The following AR variants were observed in gnomAD, a reference collection of about 807,000 sequenced individuals.
The protein encoded by AR is dihydrotestosterone receptor.
A neutral mutation model predicts 53.9 loss-of-function variants in AR; 8 were observed. That is an observed-to-expected ratio of 0.15 (90% CI 0.09 to 0.27). AR has a LOEUF of 0.27. Among genes scored for constraint, AR ranks in the 10% least tolerant of loss-of-function variants. The pLI is 1.00. For synonymous variants in AR, 359 were observed against 316.4 expected (o/e 1.13, Z -1.43); for missense variants, 639 against 742.5 (o/e 0.86, Z 1.62).
intron 2 of AR, among the ~76,000 whole-genome samples, chrX:67,657,799 T>C (rs958751107): frequency 8.9e-6 from 1 of 112,121 alleles, no homozygotes; most frequent in Non-Finnish European, 1.9e-5. Context: ...TGCTCGGTTG[T>C]CCTCATGCCT....
At chrX:67,563,479 T>C (rs1222032710) in intron 1 of AR, among the ~76,000 whole-genome samples, 2 of 111,751 alleles carry the variant, frequency 1.8e-5, no homozygotes, top group Non-Finnish European at 3.8e-5. Flanking sequence ...ACAAGCTTCA[T>C]AAATTGTACC....
intron 2 of AR, among the ~76,000 whole-genome samples, chrX:67,669,100 G>A (rs1188555230): frequency 9.2e-6 from 1 of 109,153 alleles, no homozygotes; most frequent in Non-Finnish European, 1.9e-5. Context: ...TTTGAGTTTG[G>A]TTTGCTCTTG....
intron 2 of AR, among the ~76,000 whole-genome samples, chrX:67,647,014 C>G (rs1169688015): frequency 9.0e-6 from 1 of 111,088 alleles, no homozygotes; most frequent in African/African-American, 3.3e-5. Flanking sequence ...TGGGTAACTT[C>G]CTTTCTTTTC....
intron 2 of AR, 127 bp from the exon 3 acceptor site, chrX:67,685,883 A>C: frequency 2.0e-6 from 2 of 1,011,062 alleles, no homozygotes; most frequent in Non-Finnish European, 2.7e-6. Flanking sequence ...GTTTGGTGCC[A>C]TACTCTGTCC....
At chrX:67,703,493 G>T in intron 3 of AR, among the ~76,000 whole-genome samples, 1 of 111,338 alleles carries the variant, frequency 9.0e-6, no homozygotes. Flanking sequence ...TCCAATGACT[G>T]TCTCCTAGCA....
intron 2 of AR, among the ~76,000 whole-genome samples, chrX:67,673,597 G>A (rs1166784341): frequency 9.2e-6 from 1 of 109,247 alleles, no homozygotes; most frequent in Non-Finnish European, 1.9e-5. Context: ...CAGTGTGTCA[G>A]TTGCATTTTT....
chrX:67,614,214 G>A (rs928631531), intron 1 of AR, among the ~76,000 whole-genome samples: 2 of 111,064 alleles, frequency 1.8e-5, no homozygotes, highest in African/African-American at 3.3e-5. Flanking sequence ...GAGATAAGAA[G>A]GATAAAGGAA....
intron 1 of AR, among the ~76,000 whole-genome samples, chrX:67,587,369 C>T (rs975122662): frequency 1.8e-5 from 2 of 112,428 alleles, no homozygotes; most frequent in African/African-American, 3.2e-5. Flanking sequence ...CTTTCCAGGG[C>T]GAAGGCAAGC....
chrX:67,694,521 C>T (rs934474879), intron 3 of AR, among the ~76,000 whole-genome samples: 4 of 110,735 alleles, frequency 3.6e-5, no homozygotes, highest in African/African-American at 1.3e-4. Context: ...AAAGAAAAAC[C>T]CCCAGTAAAA....
intron 1 of AR, among the ~76,000 whole-genome samples, chrX:67,599,649 A>T (rs1222776629): frequency 8.9e-6 from 1 of 112,043 alleles, no homozygotes; most frequent in African/African-American, 3.2e-5. Context: ...TGAGTCCATG[A>T]TGTTTACTAT....
chrX:67,677,123 G>A (rs1015534054), intron 2 of AR, among the ~76,000 whole-genome samples: 4 of 110,490 alleles, frequency 3.6e-5, no homozygotes, highest in African/African-American at 9.9e-5. Context: ...GACTGAAGGC[G>A]AACCAGGATT....
chrX:67,577,458 T>C (rs1922106947), intron 1 of AR, among the ~76,000 whole-genome samples: 1 of 111,744 alleles, frequency 8.9e-6, no homozygotes, highest in Non-Finnish European at 1.9e-5. Flanking sequence ...AGTTTTTGTA[T>C]GAACATCTGT....
intron 2 of AR, among the ~76,000 whole-genome samples, chrX:67,684,198 A>C (rs2075952869): frequency 8.9e-6 from 1 of 112,146 alleles, no homozygotes; most frequent in African/African-American, 3.2e-5. Context: ...AATTGGATAC[A>C]GGACCTGTTT....
chrX:67,558,243 C>T lies in AR; in HGVS notation c.1616+11481C>T, dbSNP rs747019177. ...TCCATACTGAGAACAAAGAATTATA[C>T]ATAATCATATATAATAATAATGATA... is the stretch of plus-strand genomic sequence containing the variant. On this transcript the variant is annotated intron_variant, in intron 1 of 7. Transcript: ENST00000374690. Among the ~76,000 whole-genome samples, 3 of 112,398 alleles carry T rather than the reference C, an allele frequency of 2.7e-5. No individual in the cohort carries two copies. In the South Asian group the frequency reaches 1.1e-3, roughly 41 times the overall value.
chrX:67,551,828 G>A (rs774795837), intron 1 of AR, among the ~76,000 whole-genome samples: 6 of 111,534 alleles, frequency 5.4e-5, no homozygotes, highest in African/African-American at 1.3e-4. Flanking sequence ...ATGATTGTCC[G>A]TGAATTATTG....
intron 1 of AR, among the ~76,000 whole-genome samples, chrX:67,630,045 G>A (rs1353609974): frequency 9.0e-6 from 1 of 110,843 alleles, no homozygotes; most frequent in Non-Finnish European, 1.9e-5. Context: ...GCTGAGGAGA[G>A]CTTTACTTCC....
chrX:67,694,973 A>G, intron 3 of AR: 1 of 962,335 alleles, frequency 1.0e-6, no homozygotes, highest in Non-Finnish European at 1.3e-6. Flanking sequence ...TGTAGTTGTG[A>G]GTATCATGAT....
chrX:67,602,669 A>G (rs1923429082), intron 1 of AR, among the ~76,000 whole-genome samples: 1 of 111,613 alleles, frequency 9.0e-6, no homozygotes, highest in South Asian at 3.8e-4. Context: ...CTACAGCCAT[A>G]AAGAATTCTG....
intron 3 of AR, among the ~76,000 whole-genome samples, chrX:67,694,221 C>T (rs1038938928): frequency 9.0e-6 from 1 of 110,593 alleles, no homozygotes; most frequent in African/African-American, 3.3e-5. Flanking sequence ...TAGTATTATG[C>T]AATTGTTTGG....
Sources: gnomAD v4.1 joint callset for allele counts (sites outside exome capture counted in the v4.1 genomes callset) on GRCh38, gnomAD v4.1.1 for gene constraint, MANE v1.5 for transcripts, NCBI Gene and HGNC (gene_info 2026-07-23, HGNC 2026-07-21) for gene names.